The following TRIM5 variants were observed in gnomAD, a reference collection of about 807,000 sequenced individuals.
TRIM5 encodes tripartite motif-containing protein 5.
Under a neutral mutation model 35.6 loss-of-function variants are expected in TRIM5, and 31 were observed. The ratio of observed to expected loss-of-function variants is 0.87; its 90% CI spans 0.65 to 1.18. The LOEUF (loss-of-function observed/expected upper bound fraction) is 1.18, where lower values mean the gene tolerates loss of function less well. TRIM5 is among the 50% of genes most tolerant of loss of function. The probability of loss-of-function intolerance (pLI) is 0.00; values close to 1 mark genes in which losing one functional copy is unlikely to be tolerated. For synonymous variants in TRIM5, 243 were observed against 215.6 expected, an observed-to-expected ratio of 1.13 and a Z score of -1.11; for missense variants, 609 against 591.6, an observed-to-expected ratio of 1.03 and a Z score of -0.31.
chr11:5,668,305 A>G (rs151062207), intron 4 of TRIM5, among the ~76,000 whole-genome samples: 31 of 146,458 alleles, frequency 2.1e-4, no homozygotes, highest in African/African-American at 7.3e-4. Context: ...AAAATAAACA[A>G]GAAAACATAT....
chr11:5,603,877 A>C, the TRIM5 span: 1 of 1,414,688 alleles, frequency 7.1e-7, no homozygotes, highest in South Asian at 1.5e-5. Flanking sequence ...GATTAAGAAT[A>C]GATTCTTTAT....
At chr11:5,593,355 T>C in the TRIM5 span, among the ~76,000 whole-genome samples, 1 of 152,204 alleles carries the variant, frequency 6.6e-6, no homozygotes, top group African/African-American at 2.4e-5. Context: ...GGCAGAAACA[T>C]TTCTGACAAC....
At chr11:5,642,375 G>A in the TRIM5 span, 2,741 of 1,596,256 alleles carry the variant, frequency 1.7e-3, 3 homozygotes, top group Non-Finnish European at 2.2e-3. Flanking sequence ...GATGAGAGAT[G>A]TGGGGGTCAA....
the TRIM5 span, among the ~76,000 whole-genome samples, chr11:5,613,332 C>T: frequency 2.6e-5 from 4 of 152,230 alleles, no homozygotes; most frequent in African/African-American, 7.2e-5. Context: ...CTTGAAGCTC[C>T]TTCATGGTTT....
chr11:5,620,190 T>TTTTTTTTTTTTTTTTTTA, the TRIM5 span, among the ~76,000 whole-genome samples: 1 of 123,914 alleles, frequency 8.1e-6, no homozygotes, highest in South Asian at 2.7e-4. Context: ...TTTTTTTTTT[T>TTTTTTTTTTTTTTTTTTA]TTGTTGAGAC....
At chr11:5,679,422 C>T (rs535870525) in intron 2 of TRIM5, among the ~76,000 whole-genome samples, 1 of 152,220 alleles carries the variant, frequency 6.6e-6, no homozygotes, top group South Asian at 2.1e-4. Context: ...AAAAACTAAT[C>T]CTGCAGCAAG....
In TRIM5 at chr11:5,682,778, C is replaced by T. The variant is rs60138391; in HGVS notation, c.-62+2090G>A. ...CCTGGGTTGTATTGAGAGGTGACAG[C>T]ATGCTGGCAGTCCTTGCAGCCCTCA... On this transcript the variant is annotated intron_variant, in intron 1 of 7. Coordinates refer to ENST00000380034, the MANE Select transcript of TRIM5 (RefSeq NM_033034.3). Among the ~76,000 whole-genome samples the T allele has an allele frequency of 4.8e-3, 734 of 152,366 alleles. 7 individuals carry two copies. The highest frequency in any genetic ancestry group is 0.017 in the African/African-American group (704 of 41,590).
At chr11:5,644,096 G>A in the TRIM5 span, 3 of 409,262 alleles carry the variant, frequency 7.3e-6, no homozygotes, top group African/African-American at 6.2e-5. Context: ...GGTTCTTGGA[G>A]GGTATGTCAG....
chr11:5,646,032 C>CAT, the TRIM5 span, among the ~76,000 whole-genome samples: 1 of 114,282 alleles, frequency 8.8e-6, no homozygotes, highest in East Asian at 4.9e-4. Context: ...ATGTATAGTA[C>CAT]ACATAAATAT....
intron 4 of TRIM5, among the ~76,000 whole-genome samples, chr11:5,670,970 G>C (rs1025246833): frequency 6.6e-6 from 1 of 152,154 alleles, no homozygotes; most frequent in Admixed American, 6.6e-5. Context: ...TTGGCCAGCT[G>C]CAGTGGCTCA....
chr11:5,608,363 C>G, the TRIM5 span: 1 of 1,613,224 alleles, frequency 6.2e-7, no homozygotes, highest in South Asian at 1.1e-5. Flanking sequence ...CTGTCTTTTT[C>G]CTTCCTAGGA....
the TRIM5 span, among the ~76,000 whole-genome samples, chr11:5,593,856 A>G: frequency 6.6e-6 from 1 of 152,150 alleles, no homozygotes; most frequent in South Asian, 2.1e-4. Context: ...CTTTACCTTC[A>G]AACCTGTCCT....
the TRIM5 span, among the ~76,000 whole-genome samples, chr11:5,629,694 C>A: frequency 6.6e-6 from 1 of 152,190 alleles, no homozygotes; most frequent in Admixed American, 6.5e-5. Context: ...GTGAGCTCTC[C>A]GTGAGGATTC....
chr11:5,605,064 G>A, the TRIM5 span: 2 of 514,032 alleles, frequency 3.9e-6, no homozygotes, highest in Admixed American at 3.2e-5. Flanking sequence ...AGAGGTGAGG[G>A]AGGCTTCCTG....
chr11:5,674,394 T>C (rs560343381), intron 4 of TRIM5, among the ~76,000 whole-genome samples: 1 of 152,340 alleles, frequency 6.6e-6, no homozygotes, highest in African/African-American at 2.4e-5. Flanking sequence ...AAAAGACTCA[T>C]GGAAGAATGT....
At chr11:5,626,332 CAAG>C in the TRIM5 span, among the ~76,000 whole-genome samples, 1 of 152,164 alleles carries the variant, frequency 6.6e-6, no homozygotes, top group Non-Finnish European at 1.5e-5. Context: ...TTAGAGTACA[CAAG>C]AAGATGACTA....
At chr11:5,643,467 G>C in the TRIM5 span, 1 of 1,614,148 alleles carries the variant, frequency 6.2e-7, no homozygotes, top group Non-Finnish European at 8.5e-7. Context: ...ATGTAAGTAT[G>C]GTGTCTTTGA....
chr11:5,591,284 C>T, the TRIM5 span, among the ~76,000 whole-genome samples: 1 of 152,180 alleles, frequency 6.6e-6, no homozygotes, highest in African/African-American at 2.4e-5. Context: ...TGCCTCTTGA[C>T]ATACAAGCCA....
chr11:5,638,549 C>T, the TRIM5 span, among the ~76,000 whole-genome samples: 1 of 152,170 alleles, frequency 6.6e-6, no homozygotes, highest in Non-Finnish European at 1.5e-5. Context: ...AATTAACCCA[C>T]AGTGGTGATG....
Sources: gnomAD v4.1 joint callset for allele counts (sites outside exome capture counted in the v4.1 genomes callset) on GRCh38, gnomAD v4.1.1 for gene constraint, MANE v1.5 for transcripts, NCBI Gene and HGNC (gene_info 2026-07-23, HGNC 2026-07-21) for gene names.